The following NRCAM variants were observed in gnomAD, a reference collection of about 807,000 sequenced individuals.
NRCAM encodes the protein NgCAM-related cell adhesion molecule.
Under a neutral mutation model 156.5 loss-of-function variants are expected in NRCAM, and 83 were observed. The ratio of observed to expected loss-of-function variants is 0.53; its 90% CI spans 0.44 to 0.64. The LOEUF is 0.64. NRCAM is among the 30% of genes least tolerant of loss of function. The pLI is 0.00. For missense variants in NRCAM, 1,417 were observed against 1,597.3 expected, an observed-to-expected ratio of 0.89 and a Z score of 1.92; for synonymous variants, 538 against 563.9, an observed-to-expected ratio of 0.95 and a Z score of 0.65.
intron 2 of NRCAM, among the ~76,000 whole-genome samples, chr7:108,388,562 G>A (rs377379534): frequency 6.6e-6 from 1 of 152,098 alleles, no homozygotes; most frequent in South Asian, 2.1e-4. Context: ...TCTTTAGTTT[G>A]ATTAGATCCC....
chr7:108,356,830 T>C (rs2099504899), intron 2 of NRCAM, among the ~76,000 whole-genome samples: 1 of 152,194 alleles, frequency 6.6e-6, no homozygotes, highest in Non-Finnish European at 1.5e-5. Context: ...ACCCCCAAAA[T>C]TCATATGTTG....
At chr7:108,244,259 C>T (rs2095752769) in intron 3 of NRCAM, among the ~76,000 whole-genome samples, 1 of 151,950 alleles carries the variant, frequency 6.6e-6, no homozygotes, top group Admixed American at 6.6e-5. Context: ...ATGATCTACA[C>T]TCTCCAAGCA....
chr7:108,348,646 G>C (rs1339651367), intron 2 of NRCAM, among the ~76,000 whole-genome samples: 2 of 152,124 alleles, frequency 1.3e-5, no homozygotes, highest in African/African-American at 4.8e-5. Context: ...GGGCGTAGCA[G>C]CTCATGCCTA....
rs538320534 is a variant in NRCAM, at chr7:108,263,359, C to T, written c.-106-23189G>A. ...CTCTCCAAGTGTGGGATGAGAATAA[C>T]ACTAACTCCAAAGGTTAGAAAGAAA... On this transcript the variant is annotated intron_variant, in intron 3 of 32. Coordinates refer to ENST00000379028, the MANE Select transcript of NRCAM (RefSeq NM_001037132.4). Among the ~76,000 whole-genome samples the T allele has an allele frequency of 7.9e-5, 12 of 152,318 alleles. No individual in the cohort carries two copies. The East Asian group carries it at 2.3e-3, about 29-fold the overall frequency.
chr7:108,218,741 G>A (rs920127823), intron 11 of NRCAM, among the ~76,000 whole-genome samples: 9 of 152,098 alleles, frequency 5.9e-5, no homozygotes, highest in Admixed American at 1.3e-4. Flanking sequence ...AGCTCTAAAC[G>A]CCTACATCGA....
At chr7:108,390,779 T>C (rs1039504898) in intron 2 of NRCAM, among the ~76,000 whole-genome samples, 1 of 152,240 alleles carries the variant, frequency 6.6e-6, no homozygotes, top group African/African-American at 2.4e-5. Flanking sequence ...TGTGTCTTTG[T>C]TCTCATTGGT....
At chr7:108,195,466 A>T (rs1427510221) in intron 15 of NRCAM, among the ~76,000 whole-genome samples, 1 of 152,064 alleles carries the variant, frequency 6.6e-6, no homozygotes, top group Non-Finnish European at 1.5e-5. Flanking sequence ...AATACAAAAA[A>T]TTAGCCAGGT....
intron 1 of NRCAM, among the ~76,000 whole-genome samples, chr7:108,416,791 G>A (rs1471804570): frequency 6.6e-6 from 1 of 152,180 alleles, no homozygotes; most frequent in Non-Finnish European, 1.5e-5. Context: ...CACACATCCT[G>A]TTAATTACTA....
chr7:108,243,761 G>C (rs1284971261), intron 3 of NRCAM, among the ~76,000 whole-genome samples: 2 of 152,130 alleles, frequency 1.3e-5, no homozygotes, highest in African/African-American at 4.8e-5. Flanking sequence ...TAATGATAAA[G>C]AGCAAAGCCT....
At chr7:108,234,893 C>T (rs754118545) in intron 5 of NRCAM, 10 of 722,816 alleles carry the variant, frequency 1.4e-5, no homozygotes, top group African/African-American at 5.2e-5. Context: ...AACTTTCTTT[C>T]GGTAACTATG....
chr7:108,453,446 G>C (rs944962447), intron 1 of NRCAM, among the ~76,000 whole-genome samples: 1 of 152,166 alleles, frequency 6.6e-6, no homozygotes, highest in Non-Finnish European at 1.5e-5. Flanking sequence ...TATTTCCAAA[G>C]ATGCTTTGCT....
chr7:108,385,368 C>A (rs1265094914), intron 2 of NRCAM, among the ~76,000 whole-genome samples: 2 of 152,140 alleles, frequency 1.3e-5, no homozygotes, highest in African/African-American at 2.4e-5. Flanking sequence ...GGTGTAAACA[C>A]CCAATCACAT....
chr7:108,168,506 A>C (rs1207157651), intron 28 of NRCAM, 104 bp from the exon 29 acceptor site: 15 of 1,069,366 alleles, frequency 1.4e-5, no homozygotes, highest in Non-Finnish European at 1.7e-5. Flanking sequence ...ATAGAATTAA[A>C]TAGAATTTAC....
At chr7:108,257,712 T>G (rs1041112507) in intron 3 of NRCAM, among the ~76,000 whole-genome samples, 1 of 152,160 alleles carries the variant, frequency 6.6e-6, no homozygotes, top group African/African-American at 2.4e-5. Context: ...TTAATAAGGG[T>G]TCGTGACAAT....
chr7:108,167,094 C>T, intron 29 of NRCAM, 21 bp from the exon 30 acceptor site: 1 of 1,602,206 alleles, frequency 6.2e-7, no homozygotes, highest in South Asian at 1.1e-5. Context: ...TTTGCAAAAA[C>T]AACACATTTG....
chr7:108,294,037 A>G (rs2098396672), intron 3 of NRCAM, among the ~76,000 whole-genome samples: 1 of 151,986 alleles, frequency 6.6e-6, no homozygotes, highest in South Asian at 2.1e-4. Context: ...TGCTAATTGG[A>G]GGTACTGGTG....
chr7:108,248,236 A>G (rs2153865296), intron 3 of NRCAM, among the ~76,000 whole-genome samples: 1 of 152,350 alleles, frequency 6.6e-6, no homozygotes, highest in East Asian at 1.9e-4. Flanking sequence ...TCAAGAAAGC[A>G]ACACATGGCA....
At chr7:108,267,601 A>C (rs896883046) in intron 3 of NRCAM, among the ~76,000 whole-genome samples, 6 of 152,244 alleles carry the variant, frequency 3.9e-5, no homozygotes, top group African/African-American at 9.6e-5. Flanking sequence ...TTTAAAAGGG[A>C]AACGGTTTTA....
chr7:108,176,089 T>C (rs1184920849), intron 27 of NRCAM, among the ~76,000 whole-genome samples: 1 of 152,192 alleles, frequency 6.6e-6, no homozygotes, highest in Non-Finnish European at 1.5e-5. Flanking sequence ...TGTGTATGTG[T>C]ACATATGTAT....
Sources: gnomAD v4.1 joint callset for allele counts (sites outside exome capture counted in the v4.1 genomes callset) on GRCh38, gnomAD v4.1.1 for gene constraint, MANE v1.5 for transcripts, NCBI Gene and HGNC (gene_info 2026-07-23, HGNC 2026-07-21) for gene names.